Variants in CDH13 observed in about 807,000 individuals in gnomAD.
CDH13 encodes cadherin-13.
A neutral mutation model predicts 63.8 loss-of-function variants in CDH13; 24 were observed. That is an observed-to-expected ratio of 0.38 (90% CI 0.27 to 0.53). The LOEUF (loss-of-function observed/expected upper bound fraction) is 0.53. CDH13 is among the 20% of genes least tolerant of loss of function. CDH13 has a pLI of 0.85. For synonymous variants in CDH13, 503 were observed against 355.3 expected (o/e 1.42, Z -4.67); for missense variants, 1,049 against 903.1 (o/e 1.16, Z -2.07).
chr16:83,610,429 AG>A (rs1163238419), intron 8 of CDH13, among the ~76,000 whole-genome samples: 2 of 152,218 alleles, frequency 1.3e-5, no homozygotes, highest in African/African-American at 4.8e-5. Context: ...AATTCTCAAC[AG>A]ATCAAACACA....
At chr16:83,101,743 G>A (rs574634024) in intron 3 of CDH13, among the ~76,000 whole-genome samples, 6 of 152,168 alleles carry the variant, frequency 3.9e-5, no homozygotes, top group African/African-American at 9.7e-5. Flanking sequence ...GCAGTAAGCC[G>A]AGATCGTGCC....
At chr16:83,051,023 A>T (rs558551468) in intron 3 of CDH13, among the ~76,000 whole-genome samples, 3 of 152,112 alleles carry the variant, frequency 2.0e-5, no homozygotes, top group Admixed American at 2.0e-4. Context: ...ATTTCCTCTT[A>T]TCCAGCCAAG....
At chr16:83,148,869 CA>C (rs150630974) in intron 4 of CDH13, among the ~76,000 whole-genome samples, 2 of 151,092 alleles carry the variant, frequency 1.3e-5, no homozygotes, top group South Asian at 4.2e-4. Context: ...CCTTTTTATA[CA>C]AAAAAAAGGA....
chr16:83,713,949 C>A (rs375738557), intron 10 of CDH13, among the ~76,000 whole-genome samples: 1 of 152,212 alleles, frequency 6.6e-6, no homozygotes, highest in Non-Finnish European at 1.5e-5. Flanking sequence ...AGCTCCCCAG[C>A]TCTGCACCCC....
chr16:83,163,976 TTAGAC>T (rs1186433294), intron 4 of CDH13, among the ~76,000 whole-genome samples: 10 of 152,112 alleles, frequency 6.6e-5, no homozygotes, highest in Non-Finnish European at 1.5e-4. Context: ...GTGCTGAACA[TTAGAC>T]TAAGCATTTT....
intron 3 of CDH13, among the ~76,000 whole-genome samples, chr16:83,122,600 A>C (rs2035631631): frequency 6.6e-6 from 1 of 152,118 alleles, no homozygotes; most frequent in Admixed American, 6.6e-5. Flanking sequence ...ATAGTTTGGG[A>C]CTTTGTGATT....
rs115360630 is a variant in CDH13, at chr16:83,305,491, C to T, written c.637-39371C>T. On this transcript the variant is annotated intron_variant, in intron 5 of 13. Coordinates refer to ENST00000567109, the MANE Select transcript of CDH13 (RefSeq NM_001257.5). ...ATCCCAAAATATGTATATGTCATGG[C>T]ACTTTTGGAGGGTTTTGTCTTTCTT... 4.6e-3 allele frequency among the ~76,000 whole-genome samples: 699 copies of T among 152,292 alleles called. 9 individuals are homozygous for T. The highest frequency in any genetic ancestry group is 0.016 in the African/African-American group (680 of 41,552).
At chr16:83,265,753 T>TTTTTTTTTTC (rs369864549) in intron 5 of CDH13, among the ~76,000 whole-genome samples, 1 of 132,548 alleles carries the variant, frequency 7.5e-6, no homozygotes, top group African/African-American at 2.7e-5. Context: ...TTTTTTTTTT[T>TTTTTTTTTTC]GGTCTGTGTC....
At chr16:83,457,369 C>T (rs902095691) in intron 6 of CDH13, among the ~76,000 whole-genome samples, 3 of 152,134 alleles carry the variant, frequency 2.0e-5, no homozygotes, top group Non-Finnish European at 4.4e-5. Flanking sequence ...AGGGTGGGCA[C>T]TGAAGGGCTT....
At chr16:83,294,293 T>C (rs2089536345) in intron 5 of CDH13, among the ~76,000 whole-genome samples, 1 of 152,194 alleles carries the variant, frequency 6.6e-6, no homozygotes, top group South Asian at 2.1e-4. Context: ...ATATTGTTAT[T>C]CATTGTAGTT....
At chr16:83,284,134 A>G (rs1394554614) in intron 5 of CDH13, among the ~76,000 whole-genome samples, 1 of 152,162 alleles carries the variant, frequency 6.6e-6, no homozygotes, top group Non-Finnish European at 1.5e-5. Flanking sequence ...GCAGTTTTCA[A>G]AGAGCATGTA....
At chr16:82,991,920 T>A (rs1331825878) in intron 2 of CDH13, among the ~76,000 whole-genome samples, 1 of 152,024 alleles carries the variant, frequency 6.6e-6, no homozygotes, top group South Asian at 2.1e-4. Flanking sequence ...TTACCAGAAC[T>A]TTTTCCATTA....
chr16:82,648,693 T>A (rs1567588721), intron 1 of CDH13, among the ~76,000 whole-genome samples: 1 of 152,186 alleles, frequency 6.6e-6, no homozygotes, highest in Non-Finnish European at 1.5e-5. Flanking sequence ...TCCCCTCTGG[T>A]TTACAAGTCT....
intron 1 of CDH13, among the ~76,000 whole-genome samples, chr16:82,788,114 T>G (rs148630728): frequency 6.6e-6 from 1 of 152,176 alleles, no homozygotes; most frequent in African/African-American, 2.4e-5. Flanking sequence ...CACATAAACA[T>G]GAAATGTGTG....
chr16:83,050,518 T>G (rs2030194204), intron 3 of CDH13, among the ~76,000 whole-genome samples: 1 of 152,130 alleles, frequency 6.6e-6, no homozygotes, highest in Admixed American at 6.6e-5. Context: ...CTTCCTCTAG[T>G]TCTTCTTCTT....
intron 1 of CDH13, among the ~76,000 whole-genome samples, chr16:82,854,158 G>C (rs1051161855): frequency 6.6e-6 from 1 of 152,102 alleles, no homozygotes; most frequent in Non-Finnish European, 1.5e-5. Context: ...CTAGAACTTT[G>C]GGAGGCCGAG....
rs188981422 is a variant in CDH13, at chr16:82,782,861, C to T, written c.46-75501C>T. On this transcript the variant is annotated intron_variant, in intron 1 of 13. Transcript: ENST00000567109. ...CTGGCACTAAGTTCTGCGCAGGGGC[C>T]TGGGCGAGGTCTTTATGACTTTCCA... Among the ~76,000 whole-genome samples, 121 of 152,272 alleles carry T rather than the reference C, an allele frequency of 7.9e-4. No homozygotes were observed. The Middle Eastern group carries it at 0.01, about 13-fold the overall frequency.
chr16:83,552,114 C>G (rs2075513912), intron 7 of CDH13, among the ~76,000 whole-genome samples: 1 of 152,124 alleles, frequency 6.6e-6, no homozygotes, highest in South Asian at 2.1e-4. Context: ...ATGATATGGC[C>G]CTGTCCAGGG....
intron 6 of CDH13, among the ~76,000 whole-genome samples, chr16:83,374,088 C>T (rs2091420038): frequency 6.6e-6 from 1 of 152,190 alleles, no homozygotes; most frequent in Admixed American, 6.5e-5. Flanking sequence ...TAATGATGCT[C>T]CGCAAAGAGT....
Sources: allele counts gnomAD v4.1 joint callset (sites outside exome capture counted in the v4.1 genomes callset), GRCh38; gene constraint gnomAD v4.1.1; transcripts MANE v1.5; gene names NCBI Gene and HGNC (gene_info 2026-07-23, HGNC 2026-07-21).